UPF3B: variants seen among roughly 807,000 people sequenced by gnomAD.
UPF3B encodes UPF3B regulator of nonsense mediated mRNA decay, also known as regulator of nonsense transcripts 3B.
In UPF3B, 7 loss-of-function variants were observed where a neutral mutation model predicts 40.3. That is an observed-to-expected ratio of 0.17 (90% confidence interval 0.10 to 0.33). UPF3B has a LOEUF of 0.33. Among genes scored for constraint, UPF3B ranks in the 10% least tolerant of loss-of-function variants. The probability of loss-of-function intolerance (pLI) is 1.00; values close to 1 mark genes in which losing one functional copy is unlikely to be tolerated. For missense variants in UPF3B, 229 were observed against 358.9 expected (o/e 0.64, Z 2.93); for synonymous variants, 117 against 117.3 (o/e 1.00, Z 0.01).
chrX:119,810,033 C>T (rs2055817260), intron 5 of UPF3B, among the ~76,000 whole-genome samples: 1 of 111,959 alleles, frequency 8.9e-6, no homozygotes, highest in Admixed American at 9.5e-5. Flanking sequence ...ATGAAGCCTG[C>T]AGCAGCAGGT....
At chrX:119,822,469 G>A (rs1437434856) in intron 4 of UPF3B, among the ~76,000 whole-genome samples, 1 of 112,656 alleles carries the variant, frequency 8.9e-6, no homozygotes, top group Non-Finnish European at 1.9e-5. Flanking sequence ...GCATGTCCTC[G>A]CCATCAGCAT....
chrX:119,821,808 CA>C (rs1385547285), intron 4 of UPF3B, among the ~76,000 whole-genome samples: 2 of 104,316 alleles, frequency 1.9e-5, no homozygotes, highest in East Asian at 5.8e-4. Flanking sequence ...AAAAAAAAAA[CA>C]AAAAAAACAA....
chrX:119,809,258 C>T (rs2055813471), intron 5 of UPF3B, among the ~76,000 whole-genome samples: 1 of 111,452 alleles, frequency 9.0e-6, no homozygotes, highest in South Asian at 3.8e-4. Context: ...AAACCAGCCT[C>T]CTAATCCAAT....
intron 4 of UPF3B, 72 bp from the exon 5 acceptor site, chrX:119,843,373 C>G (rs2056190396): frequency 1.4e-6 from 1 of 702,832 alleles, no homozygotes; most frequent in Non-Finnish European, 2.2e-6. Flanking sequence ...ATCTACAATA[C>G]TGATTTATCA....
At chrX:119,842,621 CACACACACAG>C (rs1382940624) in intron 5 of UPF3B, among the ~76,000 whole-genome samples, 1 of 107,325 alleles carries the variant, frequency 9.3e-6, no homozygotes, top group Non-Finnish European at 1.9e-5. Flanking sequence ...CACACACACA[CACACACACAG>C]AGAGAGAGCG....
chrX:119,821,797 C>CA (rs759266262), intron 4 of UPF3B, among the ~76,000 whole-genome samples: 7,622 of 90,581 alleles, frequency 0.084, 748 homozygotes, highest in African/African-American at 0.28. Flanking sequence ...AACTCTGTCT[C>CA]AAAAAAAAAA....
At chrX:119,807,605 C>G in intron 5 of UPF3B, 1 of 733,529 alleles carries the variant, frequency 1.4e-6, no homozygotes, top group Non-Finnish European at 1.6e-6. Flanking sequence ...AAATATGTTA[C>G]TGTTAGAACA....
chrX:119,852,164 C>G (rs149749725), intron 1 of UPF3B, among the ~76,000 whole-genome samples: 95 of 111,585 alleles, frequency 8.5e-4, no homozygotes, highest in African/African-American at 2.9e-3. Flanking sequence ...TTCGATCACC[C>G]ATTTTTTAAC....
intron 3 of UPF3B, among the ~76,000 whole-genome samples, chrX:119,824,612 C>CACCT (rs1187040650): frequency 1.8e-5 from 2 of 111,261 alleles, no homozygotes; most frequent in African/African-American, 6.5e-5. Flanking sequence ...CTTCCATTTA[C>CACCT]ACCTGCCTTT....
At chrX:119,847,739 C>A (rs761537994) in intron 3 of UPF3B, among the ~76,000 whole-genome samples, 1 of 109,708 alleles carries the variant, frequency 9.1e-6, no homozygotes, top group East Asian at 2.9e-4. Flanking sequence ...TGCACTCCAG[C>A]CTGTGTGACA....
At chrX:119,837,092 C>T (rs754638362) in intron 10 of UPF3B, among the ~76,000 whole-genome samples, 30 of 107,388 alleles carry the variant, frequency 2.8e-4, no homozygotes, top group Admixed American at 1.6e-3. Context: ...TACAGGTGTG[C>T]GCCACCACAT....
chrX:119,841,305 C>A, intron 6 of UPF3B, 47 bp from the exon 7 acceptor site: 1 of 1,198,109 alleles, frequency 8.3e-7, no homozygotes, highest in Non-Finnish European at 1.1e-6. Context: ...TAATCATCAC[C>A]AAAACCCTAA....
chrX:119,827,895 C>A (rs1284750115), intron 3 of UPF3B, among the ~76,000 whole-genome samples: 2 of 109,922 alleles, frequency 1.8e-5, no homozygotes, highest in East Asian at 5.7e-4. Context: ...TCATGCTCGG[C>A]TAATTTTATT....
At chrX:119,818,919 C>T (rs2147760163) in intron 4 of UPF3B, among the ~76,000 whole-genome samples, 1 of 111,244 alleles carries the variant, frequency 9.0e-6, no homozygotes, top group South Asian at 3.8e-4. Context: ...AGCAATGACT[C>T]TGAAGAGGTG....
At position 119,851,889 on chromosome X, in the gene UPF3B, A is replaced by G. The variant is rs769285530; in HGVS notation, c.157-16T>C. 1.6e-5 allele frequency: 17 copies of G among 1,078,417 alleles called. No individual in the cohort carries two copies. The highest frequency in any genetic ancestry group is 2.0e-5 in the Non-Finnish European group (16 of 781,108). 88.9% of individuals were successfully genotyped at this position (1,078,417 alleles called of 1,213,427 possible). On this transcript the variant is annotated splice_polypyrimidine_tract_variant and intron_variant, in intron 1 of 10. Transcript: ENST00000276201. ...GAATTACCACCTTAAGAAATGCATAAGGAAAATAAAATTAGTACAAATCAG... is the reference window on the plus strand; with the variant it reads ...GAATTACCACCTTAAGAAATGCATAGGGAAAATAAAATTAGTACAAATCAG...
At chrX:119,807,821 T>C (rs1407082504) in intron 5 of UPF3B, among the ~76,000 whole-genome samples, 1 of 111,287 alleles carries the variant, frequency 9.0e-6, no homozygotes, top group Non-Finnish European at 1.9e-5. Flanking sequence ...AGAGATATCA[T>C]CTCACTGTGT....
chrX:119,823,266 T>C (rs184830401), intron 3 of UPF3B, among the ~76,000 whole-genome samples: 81 of 111,825 alleles, frequency 7.2e-4, no homozygotes, highest in Non-Finnish European at 1.3e-3. Flanking sequence ...AAATTTATTT[T>C]CTTTGGAGAC....
chrX:119,837,665 A>G, intron 10 of UPF3B, 92 bp downstream of exon 10: 1 of 995,715 alleles, frequency 1.0e-6, no homozygotes, highest in East Asian at 3.1e-5. Flanking sequence ...CCCCTTTAAA[A>G]ATTCTATAAT....
intron 5 of UPF3B, among the ~76,000 whole-genome samples, chrX:119,842,696 C>A (rs2056182481): frequency 9.1e-6 from 1 of 109,881 alleles, no homozygotes; most frequent in Non-Finnish European, 1.9e-5. Flanking sequence ...CCCACATATT[C>A]CTTAGGATAA....
Sources: gnomAD v4.1 joint callset for allele counts (sites outside exome capture counted in the v4.1 genomes callset) on GRCh38, gnomAD v4.1.1 for gene constraint, MANE v1.5 for transcripts, NCBI Gene and HGNC (gene_info 2026-07-23, HGNC 2026-07-21) for gene names.